PADI2: variants seen among roughly 807,000 people sequenced by gnomAD.
PADI2 encodes peptidyl arginine deiminase 2.
Under a neutral mutation model 81.1 loss-of-function variants are expected in PADI2, and 70 were observed. The ratio of observed to expected loss-of-function variants is 0.86; its 90% CI spans 0.71 to 1.05. The LOEUF (loss-of-function observed/expected upper bound fraction) is 1.05, where lower values mean the gene tolerates loss of function less well. Ranked by LOEUF, PADI2 falls within the 50% of genes least tolerant of loss-of-function variation. The pLI is 0.00. For missense variants in PADI2, 853 were observed against 889.9 expected (o/e 0.96, Z 0.53); for synonymous variants, 338 against 358.0 (o/e 0.94, Z 0.63).
chr1:17,112,537 G>A (rs530945196), intron 1 of PADI2, among the ~76,000 whole-genome samples: 3 of 151,694 alleles, frequency 2.0e-5, no homozygotes, highest in South Asian at 2.1e-4. Context: ...GGGGGGAGTC[G>A]TGGGTGCCAG....
At chr1:17,077,102 C>T (rs540383752) in intron 11 of PADI2, among the ~76,000 whole-genome samples, 6 of 152,076 alleles carry the variant, frequency 3.9e-5, no homozygotes, top group East Asian at 3.9e-4. Context: ...GTATGGAATG[C>T]GCTTCCTTTA....
At chr1:17,077,994 C>T (rs1001450412) in intron 11 of PADI2, among the ~76,000 whole-genome samples, 5 of 152,206 alleles carry the variant, frequency 3.3e-5, no homozygotes, top group African/African-American at 4.8e-5. Context: ...CTGCTCATAC[C>T]TCTTTTAAGT....
chr1:17,103,078 C>T lies in PADI2; in HGVS notation c.277-19G>A, dbSNP rs1383758792. 1.3e-6 allele frequency: 2 copies of T among 1,584,794 alleles called. No homozygotes were observed. Among genetic ancestry groups the T allele is most frequent in the South Asian group, 1.1e-5 (1 of 90,126 alleles). ...CGGTGACCTTGGTGGGGAGGGGGCA[C>T]ATTGGAGTAGAGAGAAAAGAGAGCA... On this transcript the variant is annotated intron_variant, in intron 2 of 15. Transcript: ENST00000375486.
Position 17,093,676 on chromosome 1 carries a change from C to A in PADI2, c.420G>T (p.Trp140Cys), listed in dbSNP as rs773878585. 1 of 1,603,826 alleles carries A rather than the reference C, an allele frequency of 6.2e-7. No individual in the cohort carries two copies. The highest frequency in any genetic ancestry group is 1.1e-5 in the South Asian group (1 of 90,754). ...VEKNNPKKAS[W>C]TWGPEGQGAI... Reference sequence around the variant, plus strand: ...CCCCCTGGCCCTCGGGGCCCCAGGTCCAGGATGCCTACAGTGGCAGGAAGA... The same window carrying A: ...CCCCCTGGCCCTCGGGGCCCCAGGTACAGGATGCCTACAGTGGCAGGAAGA... The change falls in exon 5 of 16, where the codon TGG (tryptophan) becomes TGT (cysteine). Residue 140 changes from tryptophan to cysteine, a missense_variant. Trp to Cys is a radical substitution (Grantham distance 215, BLOSUM62 -2). Transcript: ENST00000375486.
intron 13 of PADI2, among the ~76,000 whole-genome samples, 158 bp downstream of exon 13, chr1:17,074,698 T>A (rs1570976758): frequency 6.6e-6 from 1 of 152,158 alleles, no homozygotes; most frequent in African/African-American, 2.4e-5. Context: ...CAGAGGTGCT[T>A]CCCAGCATGG....
In PADI2 at chr1:17,103,814, T is replaced by TAAA. The variant is rs11378857; in HGVS notation, c.277-758_277-756dup. 4.1e-3 allele frequency among the ~76,000 whole-genome samples: 535 copies of TAAA among 130,720 alleles called. 1 individual carries two copies. Among genetic ancestry groups the TAAA allele is most frequent in the South Asian group, 0.014 (56 of 3,986 alleles). 85.8% of individuals were successfully genotyped at this position (130,720 alleles called of 152,430 possible). A position where few individuals can be genotyped will look rare whatever the true frequency, so the allele number is the denominator to read the frequency against. Reference sequence around the variant, plus strand: ...TGGGCAATATAGTAAGACCTGTCTCTAAAAAAAAAAAAAAAAAAAATTAGC... The same window carrying TAAA: ...TGGGCAATATAGTAAGACCTGTCTCTAAAAAAAAAAAAAAAAAAAAAAATTAGC... On this transcript the variant is annotated intron_variant, in intron 2 of 15. Transcript: ENST00000375486.
Position 17,092,494 on chromosome 1 carries a change from C to T in PADI2, c.569G>A (p.Gly190Asp). 6.2e-7 allele frequency: 1 copy of T among 1,604,798 alleles called. No homozygotes were observed. The highest frequency in any genetic ancestry group is 1.7e-4 in the Middle Eastern group (1 of 6,028). The change falls in exon 6 of 16, where the codon GGC becomes GAC. Residue 190 changes from glycine (G) to aspartate (D), a missense_variant. Coordinates refer to ENST00000375486, the MANE Select transcript of PADI2 (RefSeq NM_007365.3). ...DMSQMILRTKGPDRLPAGYEI... is the reference protein window; with the variant it reads ...DMSQMILRTKDPDRLPAGYEI... Reference sequence around the variant, plus strand: ...GTATCCGGCGGGGAGGCGGTCGGGGCCTTTGGTCCGCAGGATCATCTGGGA... The same window carrying T: ...GTATCCGGCGGGGAGGCGGTCGGGGTCTTTGGTCCGCAGGATCATCTGGGA...
chr1:17,098,785 C>A (rs1229531278), intron 3 of PADI2, among the ~76,000 whole-genome samples: 1 of 152,232 alleles, frequency 6.6e-6, no homozygotes, highest in African/African-American at 2.4e-5. Flanking sequence ...ACCCTGTAGT[C>A]ATGCCCATGG....
chr1:17,114,859 G>C (rs1483878277), intron 1 of PADI2, among the ~76,000 whole-genome samples: 1 of 152,184 alleles, frequency 6.6e-6, no homozygotes, highest in African/African-American at 2.4e-5. Context: ...GCTTGGCACA[G>C]CCAAGGGCTA....
chr1:17,102,569 C>G (rs1931179247), intron 3 of PADI2, among the ~76,000 whole-genome samples: 1 of 152,224 alleles, frequency 6.6e-6, no homozygotes, highest in African/African-American at 2.4e-5. Context: ...GGGGCTGAAT[C>G]TGGGGAGAAC....
At chr1:17,108,640 G>C (rs1467784375) in intron 1 of PADI2, among the ~76,000 whole-genome samples, 3 of 152,092 alleles carry the variant, frequency 2.0e-5, no homozygotes, top group Non-Finnish European at 4.4e-5. Context: ...TTCCCAAGGA[G>C]AGGTGTGAGT....
intron 4 of PADI2, among the ~76,000 whole-genome samples, chr1:17,094,165 T>C (rs1364327591): frequency 2.0e-5 from 3 of 152,160 alleles, no homozygotes; most frequent in South Asian, 4.1e-4. Flanking sequence ...TCGGGCCAGA[T>C]TGTGTTGCTT....
chr1:17,090,283 C>T (rs1392737832), intron 6 of PADI2, among the ~76,000 whole-genome samples: 3 of 152,234 alleles, frequency 2.0e-5, no homozygotes, highest in Non-Finnish European at 2.9e-5. Context: ...CCGGGACACC[C>T]GGGACAGTCG....
At chr1:17,112,226 C>T (rs894477135) in intron 1 of PADI2, among the ~76,000 whole-genome samples, 2 of 151,890 alleles carry the variant, frequency 1.3e-5, no homozygotes, top group African/African-American at 4.8e-5. Context: ...AGGTTGGTGT[C>T]AAACAAACGA....
chr1:17,099,970 T>A (rs1931082638), intron 3 of PADI2, among the ~76,000 whole-genome samples: 2 of 151,918 alleles, frequency 1.3e-5, no homozygotes, highest in Non-Finnish European at 2.9e-5. Flanking sequence ...GGACTCAGGA[T>A]AGGACCAGGG....
chr1:17,087,879 C>T (rs1214974111), intron 6 of PADI2, among the ~76,000 whole-genome samples: 1 of 152,168 alleles, frequency 6.6e-6, no homozygotes, highest in Non-Finnish European at 1.5e-5. Context: ...AGGGCCTGCC[C>T]GGCACATGGT....
Position 17,095,914 on chromosome 1 carries a change from T to C in PADI2, c.406A>G (p.Lys136Glu). The change falls in exon 4 of 16, where the codon AAG becomes GAG. Residue 136 changes from lysine to glutamate, a missense_variant. Transcript: ENST00000375486. ...RDGVVEKNNPKKASWTWGPEG... is the reference protein window; with the variant it reads ...RDGVVEKNNPEKASWTWGPEG... Reference sequence around the variant, plus strand: ...CTGCCCTGAAAGCTAGGTACCTTCTTTGGGTTGTTCTTCTCCACCACACCA... The same window carrying C: ...CTGCCCTGAAAGCTAGGTACCTTCTCTGGGTTGTTCTTCTCCACCACACCA... The C allele has an allele frequency of 6.2e-7, 1 of 1,607,522 alleles. No individual in the cohort carries two copies. The highest frequency in any genetic ancestry group is 8.5e-7 in the Non-Finnish European group (1 of 1,176,808).
chr1:17,111,676 C>T (rs1271354580), intron 1 of PADI2, among the ~76,000 whole-genome samples: 1 of 152,208 alleles, frequency 6.6e-6, no homozygotes, highest in East Asian at 1.9e-4. Context: ...TAAATGGGCC[C>T]AGCCCCTGAG....
At chr1:17,083,897 T>C (rs1204780691) in intron 8 of PADI2, 60 bp from the exon 9 acceptor site, 1 of 989,602 alleles carries the variant, frequency 1.0e-6, no homozygotes, top group Non-Finnish European at 1.6e-6. Flanking sequence ...GCCAGAGTCA[T>C]CTCCCTGAGA....
Sources: gnomAD v4.1 joint callset for allele counts (sites outside exome capture counted in the v4.1 genomes callset) on GRCh38, gnomAD v4.1.1 for gene constraint, MANE v1.5 for transcripts, NCBI Gene and HGNC (gene_info 2026-07-23, HGNC 2026-07-21) for gene names.